Variants in COMMD8 observed in about 807,000 individuals in gnomAD.
COMMD8 encodes the protein COMM domain-containing protein 8.
A neutral mutation model predicts 27.2 loss-of-function variants in COMMD8; 28 were observed. The observed-to-expected ratio is 1.03, with a 90% CI of 0.76 to 1.41. The LOEUF (loss-of-function observed/expected upper bound fraction) is 1.41, where lower values mean the gene tolerates loss of function less well. COMMD8 is among the 40% of genes most tolerant of loss of function. The pLI is 0.00. For missense variants in COMMD8, 217 were observed against 211.2 expected, an observed-to-expected ratio of 1.03 and a Z score of -0.17; for synonymous variants, 79 against 75.5, an observed-to-expected ratio of 1.05 and a Z score of -0.24.
Position 47,456,443 on chromosome 4 carries a change from A to AT in COMMD8, c.375+133dup, listed in dbSNP as rs1729892441. The AT allele has an allele frequency of 9.0e-6, 5 of 556,884 alleles. No individual in the cohort carries two copies. The Admixed American group carries it at 2.1e-4, about 23-fold the overall frequency. 34.5% of individuals were successfully genotyped at this position (556,884 alleles called of 1,614,324 possible). On this transcript the variant is annotated intron_variant, in intron 3 of 4. Transcript: ENST00000381571. The stretch of plus-strand genomic sequence containing the variant: ...TATGCCCAAGTTAATTCAAGATGTA[A>AT]TTTAAACTATCTTTGATATTTCTTT...
chr4:47,455,889 C>A (rs1729874625), intron 3 of COMMD8, among the ~76,000 whole-genome samples: 1 of 152,068 alleles, frequency 6.6e-6, no homozygotes. Context: ...AGATTTTCCT[C>A]CTAGAGGTAG....
intron 1 of COMMD8, 55 bp downstream of exon 1, chr4:47,463,530 GC>G: frequency 5.3e-6 from 8 of 1,498,064 alleles, no homozygotes; most frequent in Non-Finnish European, 7.2e-6. Context: ...TGATCCGCAC[GC>G]CGGGCTGTCG....
chr4:47,458,347 AT>A (rs1437237384), intron 2 of COMMD8, among the ~76,000 whole-genome samples: 1 of 152,122 alleles, frequency 6.6e-6, no homozygotes, highest in African/African-American at 2.4e-5. Context: ...CCCCCAAAAA[AT>A]CTGTATACAA....
intron 4 of COMMD8, among the ~76,000 whole-genome samples, chr4:47,452,415 T>C (rs1010758629): frequency 6.6e-6 from 1 of 152,190 alleles, no homozygotes; most frequent in African/African-American, 2.4e-5. Context: ...TTTTTAATCA[T>C]AAAAACTCTT....
At chr4:47,456,114 GCACATGC>G (rs1729878182) in intron 3 of COMMD8, among the ~76,000 whole-genome samples, 1 of 151,848 alleles carries the variant, frequency 6.6e-6, no homozygotes, top group Non-Finnish European at 1.5e-5. Context: ...GGGCATGGGG[GCACATGC>G]CTGTAGTCCC....
Position 47,456,574 on chromosome 4 carries a change from T to C in COMMD8, c.375+3A>G, listed in dbSNP as rs1729895921. The C allele has an allele frequency of 1.2e-6, 2 of 1,602,052 alleles. No individual in the cohort carries two copies. The highest frequency in any genetic ancestry group is 1.3e-5 in the African/African-American group (1 of 74,174). On this transcript the variant is annotated splice_donor_region_variant and intron_variant, in intron 3 of 4. Coordinates refer to ENST00000381571, the MANE Select transcript of COMMD8 (RefSeq NM_017845.5). ...AAAAATACACATACTCATAGACTCT[T>C]ACCTTTACCTGCCAATCAAAATCCT... is the stretch of plus-strand genomic sequence containing the variant.
At chr4:47,452,225 T>C (rs908552635) in intron 4 of COMMD8, among the ~76,000 whole-genome samples, 6 of 152,260 alleles carry the variant, frequency 3.9e-5, no homozygotes, top group African/African-American at 1.4e-4. Flanking sequence ...CAGTTATTGT[T>C]ATTTAGCCAC....
Position 47,451,203 on chromosome 4 carries a change from A to G in COMMD8, c.*442T>C, listed in dbSNP as rs1158292870. The G allele has an allele frequency of 6.3e-6, 1 of 159,562 alleles. No individual in the cohort carries two copies. Among genetic ancestry groups the G allele is most frequent in the Non-Finnish European group, 1.4e-5 (1 of 73,132 alleles). 9.9% of individuals were successfully genotyped at this position (159,562 alleles called of 1,614,324 possible). Reference sequence around the variant, plus strand: ...CCTGAGTTATATATGCAGCTTATACATTCTTTGAAAAAATTATTTTTTAAA... The same window carrying G: ...CCTGAGTTATATATGCAGCTTATACGTTCTTTGAAAAAATTATTTTTTAAA... On this transcript the variant is annotated 3_prime_UTR_variant, in exon 5 of 5. Transcript: ENST00000381571.
intron 4 of COMMD8, 138 bp downstream of exon 4, chr4:47,452,921 G>A (rs961512505): frequency 4.8e-6 from 3 of 620,752 alleles, no homozygotes; most frequent in Admixed American, 2.8e-5. Context: ...GCTTGAACTC[G>A]GGAGGCGGAG....
chr4:47,457,315 G>A (rs1461288209), intron 2 of COMMD8, among the ~76,000 whole-genome samples: 1 of 152,052 alleles, frequency 6.6e-6, no homozygotes, highest in Non-Finnish European at 1.5e-5. Flanking sequence ...AAATCCCTCT[G>A]CACCTAACAC....
At chr4:47,459,730 C>T (rs4694849) in intron 2 of COMMD8, 134,931 of 153,920 alleles carry the variant, frequency 0.88, 59,252 homozygotes, top group East Asian at 1. Context: ...CAAACATACA[C>T]ACAATATATA....
chr4:47,452,182 G>A (rs28687404), intron 4 of COMMD8, among the ~76,000 whole-genome samples: 6,572 of 152,178 alleles, frequency 0.043, 456 homozygotes, highest in African/African-American at 0.15. Context: ...CACTGTTTAA[G>A]TATTATTTTT....
intron 1 of COMMD8, among the ~76,000 whole-genome samples, chr4:47,460,853 C>T (rs903505507): frequency 1.3e-5 from 2 of 152,122 alleles, no homozygotes; most frequent in Non-Finnish European, 2.9e-5. Flanking sequence ...GTACTTTTTT[C>T]CTTTTTTTAC....
Position 47,454,919 on chromosome 4 carries a change from C to A in COMMD8, c.375+1658G>T, listed in dbSNP as rs1578172905. Reference sequence around the variant, plus strand: ...TACGTTTCTACCAACAAAATACGGGCCTGAATCAACACGAATGAAGCTATA... The same window carrying A: ...TACGTTTCTACCAACAAAATACGGGACTGAATCAACACGAATGAAGCTATA... On this transcript the variant is annotated intron_variant, in intron 3 of 4. Transcript: ENST00000381571. Among the ~76,000 whole-genome samples the A allele has an allele frequency of 2.0e-5, 3 of 150,646 alleles. No homozygotes were observed. In the East Asian group the frequency reaches 5.9e-4, roughly 29 times the overall value.
chr4:47,453,210 G>A lies in COMMD8; in HGVS notation c.380C>T (p.Ala127Val), dbSNP rs77794579. 257 of 1,611,848 alleles carry A rather than the reference G, an allele frequency of 1.6e-4. No homozygotes were observed. In the East Asian group the frequency reaches 3.6e-3, roughly 23 times the overall value. ...TGCAGCAATCTTGTCACTGGAAAGT[G>A]CAAGCTGTTTAAAATCAGAAAAATA... ...LQDFDWQVKL[A>V]LSSDKIAALR... is the part of the protein sequence containing the mutation. The change falls in exon 4 of 5, where the codon GCA becomes GTA. Residue 127 changes from alanine to valine, a missense_variant. Ala to Val is a moderately conservative substitution (Grantham distance 64, BLOSUM62 0). Coordinates refer to ENST00000381571, the MANE Select transcript of COMMD8 (RefSeq NM_017845.5).
In COMMD8 at chr4:47,463,682, G is replaced by A. The variant is rs1175043323; in HGVS notation, c.-31C>T. On this transcript the variant is annotated 5_prime_UTR_variant, in exon 1 of 5. Transcript: ENST00000381571. ...CGCGAAGCTGGGGCTTGGGTCACGT[G>A]TCAAGGCTGGCCGCTTGTCTAAAGC... 5.9e-6 allele frequency: 9 copies of A among 1,533,656 alleles called. No individual in the cohort carries two copies. Among genetic ancestry groups the A allele is most frequent in the Middle Eastern group, 1.7e-4 (1 of 5,840 alleles).
intron 1 of COMMD8, 41 bp from the exon 2 acceptor site, chr4:47,460,340 T>C: frequency 6.5e-7 from 1 of 1,538,758 alleles, no homozygotes; most frequent in Non-Finnish European, 8.9e-7. Context: ...ATAAGTAAAA[T>C]GATGAAACAA....
At chr4:47,456,364 T>C (rs1272495803) in intron 3 of COMMD8, among the ~76,000 whole-genome samples, 2 of 149,254 alleles carry the variant, frequency 1.3e-5, no homozygotes, top group African/African-American at 2.4e-5. Context: ...GATCTAATTA[T>C]ATTTATTATC....
At chr4:47,463,319 C>T (rs1219138423) in intron 1 of COMMD8, among the ~76,000 whole-genome samples, 1 of 152,234 alleles carries the variant, frequency 6.6e-6, no homozygotes, top group African/African-American at 2.4e-5. Flanking sequence ...CAGCAAACAC[C>T]GACTTAAGCT....
Sources: allele counts gnomAD v4.1 joint callset (sites outside exome capture counted in the v4.1 genomes callset), GRCh38; gene constraint gnomAD v4.1.1; transcripts MANE v1.5; gene names NCBI Gene and HGNC (gene_info 2026-07-23, HGNC 2026-07-21).